TALDO1: variants seen among roughly 807,000 people sequenced by gnomAD.
The protein encoded by TALDO1 is transaldolase.
Under a neutral mutation model 38.1 loss-of-function variants are expected in TALDO1, and 29 were observed. The observed-to-expected ratio is 0.76, with a 90% CI of 0.57 to 1.04. The LOEUF is 1.04. Ranked by LOEUF, TALDO1 falls within the 50% of genes least tolerant of loss-of-function variation. The probability of loss-of-function intolerance (pLI) is 0.00; values close to 1 mark genes in which losing one functional copy is unlikely to be tolerated. For missense variants in TALDO1, 499 were observed against 438.1 expected, an observed-to-expected ratio of 1.14 and a Z score of -1.24; for synonymous variants, 207 against 176.8, an observed-to-expected ratio of 1.17 and a Z score of -1.36.
intron 1 of TALDO1, among the ~76,000 whole-genome samples, chr11:750,487 CA>C (rs758019370): frequency 2.2e-3 from 297 of 132,756 alleles, no homozygotes; most frequent in Admixed American, 2.4e-3. Flanking sequence ...GACCCTGTCT[CA>C]AAAAAAAAAA....
chr11:750,285 T>C (rs751089165), intron 1 of TALDO1, among the ~76,000 whole-genome samples: 7 of 151,976 alleles, frequency 4.6e-5, no homozygotes, highest in Admixed American at 1.3e-4. Flanking sequence ...AAAGTACTTA[T>C]TCCAGCCTGC....
intron 4 of TALDO1, among the ~76,000 whole-genome samples, 162 bp from the exon 5 acceptor site, chr11:763,180 CAT>C: frequency 6.9e-6 from 1 of 145,002 alleles, no homozygotes; most frequent in African/African-American, 2.5e-5. Flanking sequence ...ACCTGGCCTG[CAT>C]TCACCTGCCC....
chr11:764,511 C>G, intron 7 of TALDO1, 78 bp downstream of exon 7: 1 of 1,569,548 alleles, frequency 6.4e-7, no homozygotes, highest in South Asian at 1.2e-5. Context: ...TCAAGCTGGG[C>G]AGAGTTAAAA....
chr11:764,981 T>A lies in TALDO1; in HGVS notation c.*136T>A, dbSNP rs1280203453. The A allele has an allele frequency of 7.8e-7, 1 of 1,277,350 alleles. No homozygotes were observed. Among genetic ancestry groups the A allele is most frequent in the African/African-American group, 1.5e-5 (1 of 67,818 alleles). 79.1% of individuals were successfully genotyped at this position (1,277,350 alleles called of 1,614,324 possible). On this transcript the variant is annotated 3_prime_UTR_variant, in exon 8 of 8. Transcript: ENST00000319006. Reference sequence around the variant, plus strand: ...ATAGATTTCTGATTTTATGTAAAATTTTGCCTAATACATTAAAGCAGTCAC... The same window carrying A: ...ATAGATTTCTGATTTTATGTAAAATATTGCCTAATACATTAAAGCAGTCAC...
chr11:755,703 G>A (rs1862823960), intron 1 of TALDO1, 176 bp from the exon 2 acceptor site: 4 of 832,380 alleles, frequency 4.8e-6, no homozygotes, highest in Non-Finnish European at 5.7e-6. Flanking sequence ...GCAAACAGCC[G>A]CCTCTTGATG....
rs146114089 is a variant in TALDO1, at chr11:749,465, C to CA, written c.97+1894dup. On this transcript the variant is annotated intron_variant, in intron 1 of 7. Coordinates refer to ENST00000319006, the MANE Select transcript of TALDO1 (RefSeq NM_006755.2). The stretch of plus-strand genomic sequence containing the variant: ...GACATTTTTTTTTAATGAATATTAA[C>CA]AAAAAAATACATTCATTGATAGTAT... Among the ~76,000 whole-genome samples, 392 of 144,322 alleles carry CA rather than the reference C, an allele frequency of 2.7e-3. 13 individuals carry two copies. The East Asian group carries it at 0.066, about 24-fold the overall frequency. The allele number at this position is 144,322 out of a possible 152,430, so 94.7% of individuals were successfully genotyped here.
chr11:747,697 G>C, intron 1 of TALDO1, 119 bp downstream of exon 1: 1 of 863,906 alleles, frequency 1.2e-6, no homozygotes, highest in Non-Finnish European at 1.7e-6. Context: ...CGGGCGGCTC[G>C]TTCCGGGAGG....
chr11:757,609 A>T (rs534723447), intron 2 of TALDO1, among the ~76,000 whole-genome samples: 6 of 152,260 alleles, frequency 3.9e-5, no homozygotes, highest in Admixed American at 2.6e-4. Context: ...CAAGAATTCT[A>T]ACCTCTGAGC....
intron 3 of TALDO1, among the ~76,000 whole-genome samples, 176 bp from the exon 4 acceptor site, chr11:759,946 G>T (rs1862902404): frequency 1.3e-5 from 2 of 152,160 alleles, no homozygotes; most frequent in Non-Finnish European, 2.9e-5. Context: ...GAGACTGGGT[G>T]TGAGTTGCTG....
rs986631456 is a variant in TALDO1, at chr11:763,139, C to T, written c.462-205C>T. Among the ~76,000 whole-genome samples the T allele has an allele frequency of 1.1e-4, 16 of 151,956 alleles. 1 individual carries two copies. Among genetic ancestry groups the T allele is most frequent in the African/African-American group, 3.6e-4 (15 of 41,336 alleles). On this transcript the variant is annotated intron_variant, in intron 4 of 7. Coordinates refer to ENST00000319006, the MANE Select transcript of TALDO1 (RefSeq NM_006755.2). The stretch of plus-strand genomic sequence containing the variant: ...GCCTTTTTAGTTTAAGGCCCGTGAG[C>T]GTCTTTGGCAGCCTGTGGCTCTGGG...
At chr11:760,327 G>T (rs1862907792) in intron 4 of TALDO1, 74 bp downstream of exon 4, 1 of 1,597,556 alleles carries the variant, frequency 6.3e-7, no homozygotes, top group African/African-American at 1.3e-5. Context: ...ATGGCATCAG[G>T]CAAGTTTGAC....
chr11:754,698 C>T (rs1416898266), intron 1 of TALDO1, among the ~76,000 whole-genome samples: 1 of 152,144 alleles, frequency 6.6e-6, no homozygotes, highest in Admixed American at 6.6e-5. Context: ...TTTCAAACTC[C>T]TGACCTCAGG....
At chr11:748,661 C>T (rs1862700338) in intron 1 of TALDO1, among the ~76,000 whole-genome samples, 1 of 152,166 alleles carries the variant, frequency 6.6e-6, no homozygotes, top group African/African-American at 2.4e-5. Flanking sequence ...GTTTATCTAG[C>T]AGAGCCTAGA....
chr11:753,927 T>C (rs926334367), intron 1 of TALDO1, among the ~76,000 whole-genome samples: 6 of 151,348 alleles, frequency 4.0e-5, no homozygotes, highest in African/African-American at 1.2e-4. Context: ...AAAAAGCTAC[T>C]CAGTGGCTAC....
At chr11:753,595 G>C (rs575529579) in intron 1 of TALDO1, among the ~76,000 whole-genome samples, 2 of 151,654 alleles carry the variant, frequency 1.3e-5, no homozygotes, top group Admixed American at 6.6e-5. Context: ...GTGGTGGCTC[G>C]TGCCTGTAAT....
chr11:759,166 A>G lies in TALDO1; in HGVS notation c.329+109A>G, dbSNP rs1008352210. 1.1e-4 allele frequency: 95 copies of G among 904,484 alleles called. 1 individual carries two copies. In the Admixed American group the frequency reaches 1.4e-3, roughly 13 times the overall value. The allele number at this position is 904,484 out of a possible 1,614,324, so 56.0% of individuals were successfully genotyped here. On this transcript the variant is annotated intron_variant, in intron 3 of 7. Transcript: ENST00000319006. ...TGCTCCACCCATGGTCTTCATCCCAAGGGCCCAAGAGGAGGTTTATTTTGA... is the reference window on the plus strand; with the variant it reads ...TGCTCCACCCATGGTCTTCATCCCAGGGGCCCAAGAGGAGGTTTATTTTGA...
intron 4 of TALDO1, 81 bp from the exon 5 acceptor site, chr11:763,263 A>ACCCATCCCCGCCCTCAC (rs1404022211): frequency 2.2e-5 from 2 of 91,770 alleles, no homozygotes; most frequent in Admixed American, 1.1e-4. Context: ...CCCCGCCCTC[A>ACCCATCCCCGCCCTCAC]CCGTCCCCGC....
chr11:754,331 G>T (rs2133572113), intron 1 of TALDO1, among the ~76,000 whole-genome samples: 1 of 152,262 alleles, frequency 6.6e-6, no homozygotes, highest in Non-Finnish European at 1.5e-5. Context: ...GAGAATGTCA[G>T]CTTTATAAAA....
intron 4 of TALDO1, 22 bp from the exon 5 acceptor site, chr11:763,314 GCCCCGCCC>G (rs768452897): frequency 1.8e-6 from 1 of 568,286 alleles, no homozygotes; most frequent in South Asian, 1.8e-5. Context: ...GCCCTCACCT[GCCCCGCCC>G]TCACCTGTCC....
Sources: gnomAD v4.1 joint callset for allele counts (sites outside exome capture counted in the v4.1 genomes callset) on GRCh38, gnomAD v4.1.1 for gene constraint, MANE v1.5 for transcripts, NCBI Gene and HGNC (gene_info 2026-07-23, HGNC 2026-07-21) for gene names.